The following NBN variants were observed in gnomAD, a reference collection of about 807,000 sequenced individuals.
NBN encodes nibrin.
NBN carries 88 observed loss-of-function variants against 90.8 expected under a neutral mutation model. That is an observed-to-expected ratio of 0.97 (90% CI 0.82 to 1.16). The LOEUF is 1.16. Ranked by LOEUF, NBN falls within the 50% of genes most tolerant of loss-of-function variation. The pLI is 0.00. For synonymous variants in NBN, 328 were observed against 295.1 expected, an observed-to-expected ratio of 1.11 and a Z score of -1.14; for missense variants, 894 against 869.6, an observed-to-expected ratio of 1.03 and a Z score of -0.35.
intron 8 of NBN, among the ~76,000 whole-genome samples, chr8:89,962,284 CAG>C (rs1169292639): frequency 6.6e-6 from 1 of 152,110 alleles, no homozygotes; most frequent in Non-Finnish European, 1.5e-5. Context: ...ATTTTCTAAA[CAG>C]AGAAACACAG....
At chr8:89,960,589 C>T (rs1006498394) in intron 8 of NBN, among the ~76,000 whole-genome samples, 6 of 152,024 alleles carry the variant, frequency 3.9e-5, no homozygotes, top group African/African-American at 1.4e-4. Flanking sequence ...GAGTTCAAGG[C>T]TGCGTGAGTT....
At chr8:89,979,756 AGC>A (rs767331699) in intron 4 of NBN, among the ~76,000 whole-genome samples, 49 of 152,232 alleles carry the variant, frequency 3.2e-4, no homozygotes, top group Non-Finnish European at 5.1e-4. Context: ...TGTGTAATGG[AGC>A]AATTCACAAG....
At chr8:89,960,538 G>T (rs1460644147) in intron 8 of NBN, among the ~76,000 whole-genome samples, 12 of 152,076 alleles carry the variant, frequency 7.9e-5, no homozygotes, top group Admixed American at 7.9e-4. Flanking sequence ...TATAGTCCCA[G>T]CTACTCAGGA....
At position 89,955,508 on chromosome 8, in the gene NBN, T is replaced by C. The variant is rs201958895; in HGVS notation, c.1172A>G (p.Gln391Arg). Reference protein sequence around the residue: ...PKEIKVSKMEQKFRMLSQDAP... With the variant: ...PKEIKVSKMERKFRMLSQDAP... ...ATCTTGTGAAAGCATTCTGAATTTT[T>C]GTTCCATTTTGGAGACTTTGATTTC... is the stretch of plus-strand genomic sequence containing the variant. The change falls in exon 10 of 16, where the codon CAA becomes CGA. Residue 391 changes from glutamine (Q) to arginine (R), a missense_variant. Transcript: ENST00000265433. The C allele has an allele frequency of 6.2e-7, 1 of 1,613,672 alleles. No individual in the cohort carries two copies. Among genetic ancestry groups the C allele is most frequent in the Non-Finnish European group, 8.5e-7 (1 of 1,179,748 alleles).
intron 9 of NBN, 123 bp downstream of exon 9, chr8:89,958,602 G>T: frequency 8.5e-7 from 1 of 1,173,176 alleles, no homozygotes; most frequent in Non-Finnish European, 1.2e-6. Flanking sequence ...CATTTTCCCT[G>T]GTATCCCATT....
chr8:89,947,418 T>G (rs1244844115), intron 12 of NBN, among the ~76,000 whole-genome samples: 1 of 152,006 alleles, frequency 6.6e-6, no homozygotes, highest in Non-Finnish European at 1.5e-5. Context: ...TCACCTGAGG[T>G]CGGGAGTTCC....
intron 13 of NBN, among the ~76,000 whole-genome samples, chr8:89,944,622 T>C (rs1810105679): frequency 6.6e-6 from 1 of 152,218 alleles, no homozygotes; most frequent in African/African-American, 2.4e-5. Flanking sequence ...CTCTGATACC[T>C]GGCCCGGCAC....
intron 5 of NBN, among the ~76,000 whole-genome samples, chr8:89,977,886 A>G (rs994028080): frequency 1.3e-5 from 2 of 152,166 alleles, no homozygotes; most frequent in Admixed American, 6.5e-5. Context: ...GCTGCACCAC[A>G]CAATTCCAGA....
intron 10 of NBN, 152 bp downstream of exon 10, chr8:89,955,131 T>C (rs1810636145): frequency 1.4e-6 from 1 of 700,570 alleles, no homozygotes; most frequent in East Asian, 2.6e-5. Context: ...GTGAAGGAGA[T>C]CAGGGACATT....
rs1221231711 is a variant in NBN, at chr8:89,935,370, GA to G, written c.*211del. The G allele has an allele frequency of 9.4e-6, 5 of 533,080 alleles. No individual in the cohort carries two copies. In the Admixed American group the frequency reaches 1.0e-4, roughly 11 times the overall value. 33.0% of individuals were successfully genotyped at this position (533,080 alleles called of 1,614,324 possible). On this transcript the variant is annotated 3_prime_UTR_variant, in exon 16 of 16. Coordinates refer to ENST00000265433, the MANE Select transcript of NBN (RefSeq NM_002485.5). ...TAATAAACAAAACACATTTAAAAAT[GA>G]AAAAAAGATGCAATGACAAAGCCTG... is the stretch of plus-strand genomic sequence containing the variant.
intron 8 of NBN, among the ~76,000 whole-genome samples, chr8:89,964,045 C>T (rs769673399): frequency 3.3e-5 from 5 of 152,140 alleles, no homozygotes; most frequent in Non-Finnish European, 7.4e-5. Context: ...TGAGACTTTC[C>T]TTGAATACCT....
chr8:89,964,939 C>T (rs930686434), intron 7 of NBN, among the ~76,000 whole-genome samples: 3 of 151,924 alleles, frequency 2.0e-5, no homozygotes, highest in African/African-American at 7.3e-5. Flanking sequence ...CATGGTAAAA[C>T]CTCATCTCTA....
intron 5 of NBN, among the ~76,000 whole-genome samples, chr8:89,977,340 G>A (rs1811812383): frequency 6.6e-6 from 1 of 151,914 alleles, no homozygotes; most frequent in South Asian, 2.1e-4. Context: ...CTGTTCCTGT[G>A]TTAGTTTGCT....
chr8:89,981,253 T>C (rs1812049584), intron 3 of NBN, 122 bp downstream of exon 3: 4 of 1,087,188 alleles, frequency 3.7e-6, no homozygotes, highest in Non-Finnish European at 4.1e-6. Flanking sequence ...CAGAGTCCAA[T>C]ACTGTGCTAA....
chr8:89,982,502 G>C (rs1240640168), intron 2 of NBN: 1 of 571,418 alleles, frequency 1.8e-6, no homozygotes, highest in African/African-American at 1.9e-5. Flanking sequence ...CTAAAACAAA[G>C]AGTAAATTAC....
intron 14 of NBN, among the ~76,000 whole-genome samples, chr8:89,937,956 A>G (rs13312963): frequency 6.6e-6 from 1 of 152,102 alleles, no homozygotes; most frequent in Admixed American, 6.5e-5. Context: ...CTCTTCCCAC[A>G]TGTAACCATC....
chr8:89,984,311 A>C (rs1812224766), intron 1 of NBN: 1 of 620,940 alleles, frequency 1.6e-6, no homozygotes, highest in South Asian at 1.9e-5. Flanking sequence ...GGGGCGCCGC[A>C]ATCACCCCAC....
intron 11 of NBN, among the ~76,000 whole-genome samples, chr8:89,952,962 A>T (rs955528188): frequency 6.6e-6 from 1 of 152,144 alleles, no homozygotes; most frequent in Non-Finnish European, 1.5e-5. Context: ...CATCTCCTAC[A>T]CTTATCATCA....
intron 3 of NBN, 76 bp downstream of exon 3, chr8:89,981,299 T>A (rs377610417): frequency 6.9e-7 from 1 of 1,439,374 alleles, no homozygotes. Context: ...AATTCATTAA[T>A]CAGAAATATC....
Sources: gnomAD v4.1 joint callset for allele counts (sites outside exome capture counted in the v4.1 genomes callset) on GRCh38, gnomAD v4.1.1 for gene constraint, MANE v1.5 for transcripts, NCBI Gene and HGNC (gene_info 2026-07-23, HGNC 2026-07-21) for gene names.